HS3ST4: variants seen among roughly 807,000 people sequenced by gnomAD.
The protein encoded by HS3ST4 is heparan sulfate-glucosamine 3-sulfotransferase 4.
HS3ST4 carries 17 observed loss-of-function variants against 29.2 expected under a neutral mutation model. The ratio of observed to expected loss-of-function variants is 0.58; its 90% CI spans 0.40 to 0.87. The LOEUF (loss-of-function observed/expected upper bound fraction) is 0.87. Among genes scored for constraint, HS3ST4 ranks in the 40% least tolerant of loss-of-function variants. The probability of loss-of-function intolerance (pLI) is 0.00; values close to 1 mark genes in which losing one functional copy is unlikely to be tolerated. For synonymous variants in HS3ST4, 314 were observed against 285.7 expected, an observed-to-expected ratio of 1.10 and a Z score of -1.00; for missense variants, 627 against 634.5, an observed-to-expected ratio of 0.99 and a Z score of 0.13.
Position 26,137,662 on chromosome 16 carries a change from G to A in HS3ST4, c.*1414G>A, listed in dbSNP as rs1898306600. 1 of 152,208 alleles carries A rather than the reference G, an allele frequency of 6.6e-6. No homozygotes were observed. Among genetic ancestry groups the A allele is most frequent in the South Asian group, 2.1e-4 (1 of 4,830 alleles). The allele number at this position is 152,208 out of a possible 1,614,324, so 9.4% of individuals were successfully genotyped here. A position where few individuals can be genotyped will look rare whatever the true frequency, so the allele number is the denominator to read the frequency against. ...TCTCCCGCTAAATGAAAACCGTGTT[G>A]TTATAAAGCTTAATGCAACCTGATT... On this transcript the variant is annotated 3_prime_UTR_variant, in exon 2 of 2. Transcript: ENST00000331351.
chr16:25,972,020 C>T lies in HS3ST4; in HGVS notation c.735-163592C>T, dbSNP rs567106192. 8.5e-5 allele frequency among the ~76,000 whole-genome samples: 13 copies of T among 152,148 alleles called. No homozygotes were observed. In the South Asian group the frequency reaches 2.5e-3, roughly 29 times the overall value. On this transcript the variant is annotated intron_variant, in intron 1 of 1. Coordinates refer to ENST00000331351, the MANE Select transcript of HS3ST4 (RefSeq NM_006040.3). ...GGCTCTGCCACTTACTAGCTAGCTACAGGACTTTTCATGAAATTCCTGAGC... is the reference window on the plus strand; with the variant it reads ...GGCTCTGCCACTTACTAGCTAGCTATAGGACTTTTCATGAAATTCCTGAGC...
chr16:26,135,716 A>T lies in HS3ST4; in HGVS notation c.839A>T (p.Asp280Val). 1.9e-6 allele frequency: 3 copies of T among 1,614,150 alleles called. No homozygotes were observed. The highest frequency in any genetic ancestry group is 2.5e-6 in the Non-Finnish European group (3 of 1,179,986). ...AAGCGCATTCACTCCATGGCCAAGG[A>T]CATCAAACTGATTGTGGTGGTGAGA... ...APKRIHSMAK[D>V]IKLIVVVRNP... The change falls in exon 2 of 2, where the codon GAC becomes GTC. Residue 280 changes from aspartate to valine, a missense_variant. By Grantham distance (152) the Asp-to-Val change is radical. Coordinates refer to ENST00000331351, the MANE Select transcript of HS3ST4 (RefSeq NM_006040.3).
At chr16:25,753,860 T>A (rs1367482180) in intron 1 of HS3ST4, among the ~76,000 whole-genome samples, 1 of 152,200 alleles carries the variant, frequency 6.6e-6, no homozygotes, top group Non-Finnish European at 1.5e-5. Flanking sequence ...TTTCCCGTAT[T>A]TATTCAGCAC....
intron 1 of HS3ST4, among the ~76,000 whole-genome samples, chr16:25,904,173 TGGATGGATGGAC>T (rs1968156399): frequency 6.7e-6 from 1 of 150,306 alleles, no homozygotes. Context: ...AATGGATGGA[TGGATGGATGGAC>T]GGATGGACAG....
At chr16:25,890,894 C>T (rs889849066) in intron 1 of HS3ST4, among the ~76,000 whole-genome samples, 4 of 152,008 alleles carry the variant, frequency 2.6e-5, no homozygotes, top group Admixed American at 6.6e-5. Flanking sequence ...ATGAAGAAGG[C>T]GGATCAGCTC....
chr16:25,727,678 A>T (rs1966545713), intron 1 of HS3ST4, among the ~76,000 whole-genome samples: 1 of 152,000 alleles, frequency 6.6e-6, no homozygotes, highest in Non-Finnish European at 1.5e-5. Context: ...CCCCATTCAC[A>T]CCCAGGGAGA....
intron 1 of HS3ST4, among the ~76,000 whole-genome samples, chr16:26,077,185 G>C (rs188554925): frequency 2.5e-4 from 38 of 152,254 alleles, no homozygotes; most frequent in Non-Finnish European, 4.4e-4. Context: ...GTGGTCCTGG[G>C]GTTCCAAGAT....
intron 1 of HS3ST4, among the ~76,000 whole-genome samples, chr16:25,892,441 T>A (rs1968018897): frequency 2.0e-5 from 3 of 152,248 alleles, no homozygotes; most frequent in African/African-American, 7.2e-5. Flanking sequence ...GGCCTGGAAC[T>A]AAGCCATGTT....
chr16:25,772,589 CTT>C (rs1301655249), intron 1 of HS3ST4, among the ~76,000 whole-genome samples: 4 of 152,132 alleles, frequency 2.6e-5, no homozygotes, highest in African/African-American at 4.8e-5. Flanking sequence ...ACTTTATCTT[CTT>C]ATGGGCTTTT....
chr16:25,820,158 A>G (rs1270328838), intron 1 of HS3ST4, among the ~76,000 whole-genome samples: 2 of 150,738 alleles, frequency 1.3e-5, no homozygotes, highest in Non-Finnish European at 2.9e-5. Context: ...GATGATTCTC[A>G]TGTAAAGTAC....
intron 1 of HS3ST4, among the ~76,000 whole-genome samples, chr16:25,710,018 A>G (rs1966405221): frequency 6.6e-6 from 1 of 152,154 alleles, no homozygotes; most frequent in Non-Finnish European, 1.5e-5. Flanking sequence ...ATCAGTCTTA[A>G]TTTAACAACT....
At chr16:25,983,142 G>A (rs553345646) in intron 1 of HS3ST4, among the ~76,000 whole-genome samples, 1 of 152,240 alleles carries the variant, frequency 6.6e-6, no homozygotes, top group Admixed American at 6.5e-5. Flanking sequence ...AGAGTGATGG[G>A]GTAGGGAATG....
intron 1 of HS3ST4, among the ~76,000 whole-genome samples, chr16:25,887,271 A>T (rs992267105): frequency 2.6e-5 from 4 of 152,172 alleles, no homozygotes; most frequent in African/African-American, 9.7e-5. Context: ...GGAGGGATAT[A>T]GTTTACTTAC....
intron 1 of HS3ST4, among the ~76,000 whole-genome samples, chr16:26,099,603 G>T (rs760635646): frequency 4.6e-5 from 7 of 152,168 alleles, no homozygotes; most frequent in Non-Finnish European, 8.8e-5. Context: ...CTGAATACCT[G>T]TCATCATCAG....
intron 1 of HS3ST4, among the ~76,000 whole-genome samples, chr16:26,055,967 T>C (rs1898401367): frequency 6.6e-6 from 1 of 151,886 alleles, no homozygotes; most frequent in Admixed American, 6.6e-5. Flanking sequence ...CCTCAGGGTA[T>C]AAACACAACA....
chr16:25,964,550 G>A (rs762576847), intron 1 of HS3ST4, among the ~76,000 whole-genome samples: 5 of 152,156 alleles, frequency 3.3e-5, no homozygotes, highest in Non-Finnish European at 7.3e-5. Context: ...ATTTTGCAGA[G>A]GAGAAAACTG....
Position 25,781,805 on chromosome 16 carries a change from A to G in HS3ST4, c.734+88654A>G, listed in dbSNP as rs182677539. Among the ~76,000 whole-genome samples, 152 of 152,310 alleles carry G rather than the reference A, an allele frequency of 1.0e-3. 1 individual carries two copies. The Middle Eastern group carries it at 0.017, about 17-fold the overall frequency. On this transcript the variant is annotated intron_variant, in intron 1 of 1. Coordinates refer to ENST00000331351, the MANE Select transcript of HS3ST4 (RefSeq NM_006040.3). ...GAGGAAAGATGTTTGAAGATGATGC[A>G]CAGTTATCCTTCTTCTCTTTCGGGT...
chr16:25,918,151 A>T (rs529202367), intron 1 of HS3ST4, among the ~76,000 whole-genome samples: 1 of 152,358 alleles, frequency 6.6e-6, no homozygotes, highest in East Asian at 1.9e-4. Flanking sequence ...GGTGATACAA[A>T]TATGGGTAGA....
At chr16:25,859,453 G>A (rs1018799207) in intron 1 of HS3ST4, among the ~76,000 whole-genome samples, 2 of 152,136 alleles carry the variant, frequency 1.3e-5, no homozygotes, top group Non-Finnish European at 2.9e-5. Flanking sequence ...CAGTTTTCTT[G>A]ATGTGCCCTA....
Sources: gnomAD v4.1 joint callset for allele counts (sites outside exome capture counted in the v4.1 genomes callset) on GRCh38, gnomAD v4.1.1 for gene constraint, MANE v1.5 for transcripts, NCBI Gene and HGNC (gene_info 2026-07-23, HGNC 2026-07-21) for gene names.